Variants in FLT1 observed in about 807,000 individuals in gnomAD.
The protein encoded by FLT1 is vascular endothelial growth factor receptor 1.
FLT1 carries 49 observed loss-of-function variants against 156.3 expected under a neutral mutation model. That is an observed-to-expected ratio of 0.31 (90% CI 0.25 to 0.40). The LOEUF (loss-of-function observed/expected upper bound fraction) is 0.40, where lower values mean the gene tolerates loss of function less well. FLT1 is among the 10% of genes least tolerant of loss of function. The pLI, the probability that FLT1 is intolerant of heterozygous loss-of-function variation, is 1.00. For synonymous variants in FLT1, 594 were observed against 583.8 expected (o/e 1.02, Z -0.25); for missense variants, 1,322 against 1,637.2 (o/e 0.81, Z 3.32).
Position 28,369,881 on chromosome 13 carries a change from G to C in FLT1, c.2117-12196C>G, listed in dbSNP as rs1302177164. 3.9e-5 allele frequency among the ~76,000 whole-genome samples: 6 copies of C among 152,070 alleles called. No individual in the cohort carries two copies. The South Asian group carries it at 1.2e-3, about 32-fold the overall frequency. On this transcript the variant is annotated intron_variant, in intron 14 of 29. Coordinates refer to ENST00000282397, the MANE Select transcript of FLT1 (RefSeq NM_002019.4). The stretch of plus-strand genomic sequence containing the variant: ...AGAAAGAACAGGAACACTTAGAAAA[G>C]AATAAGACTGGGGACAGTGATGAAA...
At chr13:28,323,785 T>A (rs2138833445) in intron 20 of FLT1, among the ~76,000 whole-genome samples, 1 of 152,312 alleles carries the variant, frequency 6.6e-6, no homozygotes, top group African/African-American at 2.4e-5. Context: ...CTCAGTGTGC[T>A]TGGTGCTTCA....
intron 14 of FLT1, among the ~76,000 whole-genome samples, 183 bp from the exon 15 acceptor site, chr13:28,357,868 C>CTTTTTTTTTTTTTTTTTTTTTTTTTTTTT (rs57304530): frequency 9.5e-6 from 1 of 104,732 alleles, no homozygotes; most frequent in African/African-American, 3.7e-5. Flanking sequence ...CTTTTCTTTC[C>CTTTTTTTTTTTTTTTTTTTTTTTTTTTTT]TTTTTTTTTT....
chr13:28,476,470 T>C (rs1034444436), intron 1 of FLT1, among the ~76,000 whole-genome samples: 1 of 152,204 alleles, frequency 6.6e-6, no homozygotes, highest in Admixed American at 6.5e-5. Flanking sequence ...AGGTCCACAA[T>C]AGGACTGAAT....
At chr13:28,456,014 G>A (rs1230008959) in intron 3 of FLT1, among the ~76,000 whole-genome samples, 5 of 152,224 alleles carry the variant, frequency 3.3e-5, no homozygotes, top group African/African-American at 4.8e-5. Context: ...GTCATTTGCT[G>A]CTGGTGGGAA....
At chr13:28,481,374 A>G (rs1377256892) in intron 1 of FLT1, among the ~76,000 whole-genome samples, 2 of 152,046 alleles carry the variant, frequency 1.3e-5, no homozygotes, top group African/African-American at 2.4e-5. Context: ...AAGGAACAGA[A>G]TATTGCCTGT....
chr13:28,484,922 C>A (rs61952563), intron 1 of FLT1, among the ~76,000 whole-genome samples: 84,513 of 138,414 alleles, frequency 0.61, 25,569 homozygotes, highest in Middle Eastern at 0.7. Context: ...ATATATGTAA[C>A]TCCTGTTGTG....
chr13:28,375,494 G>A (rs1015913217), intron 14 of FLT1, among the ~76,000 whole-genome samples: 1 of 151,936 alleles, frequency 6.6e-6, no homozygotes, highest in African/African-American at 2.4e-5. Flanking sequence ...GTTAGTTTTC[G>A]CATGCTGTTA....
chr13:28,422,329 G>T (rs1337685177), intron 10 of FLT1, among the ~76,000 whole-genome samples: 1 of 152,090 alleles, frequency 6.6e-6, no homozygotes, highest in Non-Finnish European at 1.5e-5. Flanking sequence ...CCCATGAGTG[G>T]GGAATAACTT....
intron 1 of FLT1, among the ~76,000 whole-genome samples, chr13:28,470,782 C>T (rs1170155622): frequency 6.6e-6 from 1 of 152,208 alleles, no homozygotes; most frequent in African/African-American, 2.4e-5. Context: ...CCTCCGCCTC[C>T]TGGGTTCAAG....
Position 28,467,466 on chromosome 13 carries a change from G to A in FLT1, c.161+55C>T, listed in dbSNP as rs1201865149. 2.6e-6 allele frequency: 3 copies of A among 1,161,400 alleles called. No homozygotes were observed. The African/African-American group carries it at 4.5e-5, about 18-fold the overall frequency. The allele number at this position is 1,161,400 out of a possible 1,614,324, so 71.9% of individuals were successfully genotyped here. ...CTACCTTTTTACTCTGCCAGGGAAT[G>A]ATTTTGCCTTAGGCATGGCAACTAG... On this transcript the variant is annotated intron_variant, in intron 2 of 29. Coordinates refer to ENST00000282397, the MANE Select transcript of FLT1 (RefSeq NM_002019.4).
In FLT1 at chr13:28,322,693, T is replaced by A; in HGVS notation, c.2953+97A>T. 1 of 1,057,670 alleles carries A rather than the reference T, an allele frequency of 9.5e-7. No homozygotes were observed. The highest frequency in any genetic ancestry group is 1.6e-5 in the African/African-American group (1 of 64,170). The allele number at this position is 1,057,670 out of a possible 1,614,324, so 65.5% of individuals were successfully genotyped here. On this transcript the variant is annotated intron_variant, in intron 21 of 29. Transcript: ENST00000282397. This position sits in a 1 kb window ranked among gnomAD's most constrained non-coding sequence, Gnocchi z 4.3. ...CATTACCATTCGAGTCTCCCACGGATGTTTATTAGAGTGATAAATAAGAAA... is the reference window on the plus strand; with the variant it reads ...CATTACCATTCGAGTCTCCCACGGAAGTTTATTAGAGTGATAAATAAGAAA...
chr13:28,316,159 T>G (rs1871194703), intron 25 of FLT1, among the ~76,000 whole-genome samples: 1 of 152,184 alleles, frequency 6.6e-6, no homozygotes, highest in Non-Finnish European at 1.5e-5. Flanking sequence ...TTCCCTACGC[T>G]CAGGCAGAGC....
At chr13:28,337,608 A>T (rs1384098099) in intron 17 of FLT1, among the ~76,000 whole-genome samples, 1 of 152,224 alleles carries the variant, frequency 6.6e-6, no homozygotes, top group Admixed American at 6.5e-5. Flanking sequence ...ACTCAAATGG[A>T]CATCAGCCAA....
intron 3 of FLT1, among the ~76,000 whole-genome samples, chr13:28,448,298 C>T (rs983853101): frequency 7.2e-5 from 11 of 152,200 alleles, no homozygotes; most frequent in African/African-American, 2.4e-4. Flanking sequence ...CACACAAAAG[C>T]TTGTACACAA....
chr13:28,387,092 T>C, intron 13 of FLT1: 3 of 1,034,990 alleles, frequency 2.9e-6, no homozygotes, highest in Non-Finnish European at 3.5e-6. Flanking sequence ...GAGAACATTT[T>C]AACATAAATG....
intron 11 of FLT1, among the ~76,000 whole-genome samples, chr13:28,401,958 G>C (rs1328108581): frequency 6.6e-6 from 1 of 152,082 alleles, no homozygotes; most frequent in Non-Finnish European, 1.5e-5. Context: ...CTAACACGGG[G>C]TTCCTTCTAC....
intron 15 of FLT1, among the ~76,000 whole-genome samples, chr13:28,356,662 A>C (rs1007274728): frequency 6.6e-6 from 1 of 152,216 alleles, no homozygotes; most frequent in Non-Finnish European, 1.5e-5. Context: ...GGGGGAAAAA[A>C]ACTGAAGTAC....
chr13:28,481,482 CAT>C (rs1555246533), intron 1 of FLT1, among the ~76,000 whole-genome samples: 2,071 of 147,832 alleles, frequency 0.014, 49 homozygotes, highest in African/African-American at 0.051. Flanking sequence ...CACACACACA[CAT>C]ACACGTACTT....
chr13:28,410,410 C>T (rs1023413660), intron 10 of FLT1, among the ~76,000 whole-genome samples: 2 of 152,176 alleles, frequency 1.3e-5, no homozygotes, highest in Non-Finnish European at 2.9e-5. Flanking sequence ...CTTCATTTAG[C>T]CTTTCTAGAA....
Sources: gnomAD v4.1 joint callset for allele counts (sites outside exome capture counted in the v4.1 genomes callset) on GRCh38, gnomAD v4.1.1 for gene constraint, Gnocchi (gnomAD v3.1) non-coding constraint, MANE v1.5 for transcripts, NCBI Gene and HGNC (gene_info 2026-07-23, HGNC 2026-07-21) for gene names.